Variants in TMEM51 observed in about 807,000 individuals in gnomAD.
TMEM51 encodes the protein transmembrane protein 51, also known as chromosome 1 open reading frame 72.
A neutral mutation model predicts 13.6 loss-of-function variants in TMEM51; 8 were observed. The observed-to-expected ratio is 0.59, with a 90% CI of 0.35 to 1.07. TMEM51 has a LOEUF of 1.07. Among genes scored for constraint, TMEM51 ranks in the 50% least tolerant of loss-of-function variants. The pLI, the probability that TMEM51 is intolerant of heterozygous loss-of-function variation, is 0.02. For missense variants in TMEM51, 279 were observed against 330.7 expected, an observed-to-expected ratio of 0.84 and a Z score of 1.21; for synonymous variants, 147 against 144.4, an observed-to-expected ratio of 1.02 and a Z score of -0.13.
At chr1:15,167,947 A>G (rs1365375265) in intron 1 of TMEM51, among the ~76,000 whole-genome samples, 1 of 152,252 alleles carries the variant, frequency 6.6e-6, no homozygotes, top group Non-Finnish European at 1.5e-5. Context: ...TGCACATGGT[A>G]TAAAAAAATC....
chr1:15,170,900 T>C (rs1643244495), intron 1 of TMEM51, among the ~76,000 whole-genome samples: 1 of 152,092 alleles, frequency 6.6e-6, no homozygotes, highest in Non-Finnish European at 1.5e-5. Flanking sequence ...GGCTAATTTT[T>C]TGTATTTTTA....
In TMEM51 at chr1:15,192,470, T is replaced by TTTTTTTTTTTTTTA. The variant is rs3078880; in HGVS notation, c.-266-18020_-266-18019insTTTTTTTTTTTTTA. 7.7e-3 allele frequency: 1,934 copies of TTTTTTTTTTTTTTA among 250,692 alleles called. 107 individuals are homozygous for TTTTTTTTTTTTTTA. The highest frequency in any genetic ancestry group is 0.048 in the African/African-American group (1,810 of 37,898). 15.5% of individuals were successfully genotyped at this position (250,692 alleles called of 1,614,324 possible). The stretch of plus-strand genomic sequence containing the variant: ...TCTTTCTTTTCTTTTCCTTTTTTTT[T>TTTTTTTTTTTTTTA]ATGACAGAATCTTGCTCTGCTGCCC... On this transcript the variant is annotated intron_variant, in intron 1 of 3. Transcript: ENST00000376008.
At chr1:15,197,718 G>A (rs12139807) in intron 1 of TMEM51, among the ~76,000 whole-genome samples, 16,739 of 152,018 alleles carry the variant, frequency 0.11, 1,164 homozygotes, top group South Asian at 0.18. Context: ...TGAGGAAACC[G>A]AGGCTCTCAG....
intron 1 of TMEM51, chr1:15,191,900 G>C: frequency 1.9e-6 from 1 of 527,898 alleles, no homozygotes; most frequent in South Asian, 1.4e-5. Flanking sequence ...CTTTTAGCAC[G>C]TTGTTTGTTC....
intron 1 of TMEM51, among the ~76,000 whole-genome samples, chr1:15,185,017 C>G (rs1309383421): frequency 6.6e-6 from 1 of 152,126 alleles, no homozygotes; most frequent in Non-Finnish European, 1.5e-5. Flanking sequence ...TACAGGAAGG[C>G]AGAAATGTCC....
chr1:15,172,753 A>G (rs545549498), intron 1 of TMEM51, among the ~76,000 whole-genome samples: 1 of 152,366 alleles, frequency 6.6e-6, no homozygotes, highest in East Asian at 1.9e-4. Context: ...GATATGATTC[A>G]TAAGTTTTAA....
rs764344770 is a variant in TMEM51, at chr1:15,219,633, A to G, written c.652A>G (p.Ile218Val). 2 of 1,614,052 alleles carry G rather than the reference A, an allele frequency of 1.2e-6. No homozygotes were observed. Among genetic ancestry groups the G allele is most frequent in the South Asian group, 1.1e-5 (1 of 91,082 alleles). Residue 218 changes from isoleucine to valine, a missense_variant, in exon 4 of 4, where the codon ATC becomes GTC. Coordinates refer to ENST00000376008, the MANE Select transcript of TMEM51 (RefSeq NM_001136218.2). ...SEKLHLKDFR[I>V]NLPDKNVPPP... Reference sequence around the variant, plus strand: ...AAAGCTTCACCTCAAAGACTTTAGGATCAACCTCCCAGACAAAAACGTCCC... The same window carrying G: ...AAAGCTTCACCTCAAAGACTTTAGGGTCAACCTCCCAGACAAAAACGTCCC...
chr1:15,207,424 C>T lies in TMEM51; in HGVS notation c.-266-3066C>T, dbSNP rs769077735. ...AAGGCCCAGCCATCAATGCTTGGGCCCTTTACCCCGTTTCAGCCGGGGCAG... is the reference window on the plus strand; with the variant it reads ...AAGGCCCAGCCATCAATGCTTGGGCTCTTTACCCCGTTTCAGCCGGGGCAG... On this transcript the variant is annotated intron_variant, in intron 1 of 3. Coordinates refer to ENST00000376008, the MANE Select transcript of TMEM51 (RefSeq NM_001136218.2). The surrounding 1 kb of genome is among the most constrained non-coding windows in gnomAD (Gnocchi z 4.6). 5.3e-5 allele frequency among the ~76,000 whole-genome samples: 8 copies of T among 152,228 alleles called. No homozygotes were observed. Among genetic ancestry groups the T allele is most frequent in the Non-Finnish European group, 8.8e-5 (6 of 68,034 alleles).
At chr1:15,162,460 C>T (rs773429301) in intron 1 of TMEM51, among the ~76,000 whole-genome samples, 5 of 152,022 alleles carry the variant, frequency 3.3e-5, no homozygotes, top group Non-Finnish European at 7.3e-5. Context: ...CCGCATCCAG[C>T]CTGGGGATCA....
At chr1:15,187,519 GGCTGTCTGCCT>G (rs1394645211) in intron 1 of TMEM51, among the ~76,000 whole-genome samples, 1 of 152,150 alleles carries the variant, frequency 6.6e-6, no homozygotes, top group Non-Finnish European at 1.5e-5. Flanking sequence ...GAGCCCCAGG[GGCTGTCTGCCT>G]GCTCTGTCAA....
intron 1 of TMEM51, among the ~76,000 whole-genome samples, chr1:15,174,606 C>T (rs1034956046): frequency 6.6e-6 from 1 of 152,166 alleles, no homozygotes; most frequent in Non-Finnish European, 1.5e-5. Context: ...AGGTAAATTT[C>T]ATTCGTTATT....
At chr1:15,188,453 C>T (rs1455743557) in intron 1 of TMEM51, among the ~76,000 whole-genome samples, 1 of 152,226 alleles carries the variant, frequency 6.6e-6, no homozygotes, top group African/African-American at 2.4e-5. Flanking sequence ...ATGACATGGC[C>T]ACCACATCAC....
chr1:15,189,048 A>G (rs1643866687), intron 1 of TMEM51, among the ~76,000 whole-genome samples: 1 of 151,840 alleles, frequency 6.6e-6, no homozygotes, highest in Non-Finnish European at 1.5e-5. Flanking sequence ...TGGTCATTAT[A>G]TATTTTTTTG....
At chr1:15,169,855 T>C (rs1162149431) in intron 1 of TMEM51, among the ~76,000 whole-genome samples, 1 of 152,238 alleles carries the variant, frequency 6.6e-6, no homozygotes, top group African/African-American at 2.4e-5. Flanking sequence ...AAAATTTGAC[T>C]ATTTACTATA....
intron 1 of TMEM51, among the ~76,000 whole-genome samples, chr1:15,209,405 G>T (rs1392182355): frequency 6.6e-6 from 1 of 152,084 alleles, no homozygotes; most frequent in Non-Finnish European, 1.5e-5. Flanking sequence ...CCAGAAGGTA[G>T]CCTGAATTTG....
chr1:15,214,686 CGGGCT>C (rs1214624265), intron 2 of TMEM51, among the ~76,000 whole-genome samples: 1 of 152,222 alleles, frequency 6.6e-6, no homozygotes, highest in Non-Finnish European at 1.5e-5. Context: ...CAGGGAGTAG[CGGGCT>C]GGGCAGACCG....
At chr1:15,157,125 G>C (rs1322695833) in intron 1 of TMEM51, among the ~76,000 whole-genome samples, 2 of 152,184 alleles carry the variant, frequency 1.3e-5, no homozygotes, top group East Asian at 3.9e-4. Context: ...AGGCCACACA[G>C]CCCTGTCCCT....
intron 1 of TMEM51, among the ~76,000 whole-genome samples, chr1:15,157,626 C>G (rs1642631957): frequency 6.6e-6 from 1 of 152,140 alleles, no homozygotes; most frequent in Admixed American, 6.6e-5. Context: ...GTGACATGGT[C>G]AGGAGGAGTA....
chr1:15,194,536 G>A (rs1644006802), intron 1 of TMEM51, among the ~76,000 whole-genome samples: 1 of 152,168 alleles, frequency 6.6e-6, no homozygotes, highest in African/African-American at 2.4e-5. Context: ...CATTTCTCTG[G>A]ATTTAGAGAG....
Sources: gnomAD v4.1 joint callset for allele counts (sites outside exome capture counted in the v4.1 genomes callset) on GRCh38, gnomAD v4.1.1 for gene constraint, Gnocchi (gnomAD v3.1) non-coding constraint, MANE v1.5 for transcripts, NCBI Gene and HGNC (gene_info 2026-07-23, HGNC 2026-07-21) for gene names.